FCN1: variants seen among roughly 807,000 people sequenced by gnomAD.
The protein encoded by FCN1 is ficolin-1.
FCN1 carries 42 observed loss-of-function variants against 35.6 expected under a neutral mutation model. The ratio of observed to expected loss-of-function variants is 1.18; its 90% confidence interval spans 0.92 to 1.53. FCN1 has a LOEUF of 1.53. Ranked by LOEUF, FCN1 falls within the 40% of genes most tolerant of loss-of-function variation. The pLI is 0.00. For synonymous variants in FCN1, 179 were observed against 169.8 expected, an observed-to-expected ratio of 1.05 and a Z score of -0.42; for missense variants, 439 against 428.4, an observed-to-expected ratio of 1.02 and a Z score of -0.22.
At position 134,913,620 on chromosome 9, in the gene FCN1, G is replaced by C. The variant is rs775284331; in HGVS notation, c.308-7C>G. The C allele has an allele frequency of 1.2e-6, 2 of 1,601,380 alleles. No homozygotes were observed. Among genetic ancestry groups the C allele is most frequent in the African/African-American group, 2.7e-5 (2 of 74,626 alleles). ...TGAGACTGCCCAGCGTCTCCTGTGT[G>C]GGGAGAGGAGACACTTGTCATAAGC... is the stretch of plus-strand genomic sequence containing the variant. On this transcript the variant is annotated splice_polypyrimidine_tract_variant and splice_region_variant and intron_variant, in intron 4 of 8. Transcript: ENST00000371806.
At chr9:134,910,318 C>A (rs1888710) in intron 8 of FCN1, among the ~76,000 whole-genome samples, 133 of 152,010 alleles carry the variant, frequency 8.7e-4, no homozygotes, top group African/African-American at 2.9e-3. Context: ...GTCAGGCCTC[C>A]TGCTCTCTCC....
At chr9:134,914,457 A>C (rs907988158) in intron 3 of FCN1, 37 bp from the exon 4 acceptor site, 42 of 1,598,014 alleles carry the variant, frequency 2.6e-5, no homozygotes, top group Non-Finnish European at 3.6e-5. Flanking sequence ...TTTTGACCCC[A>C]GATGTGTGGG....
At chr9:134,913,509 C>G in intron 5 of FCN1, 72 bp downstream of exon 5, 1 of 1,239,128 alleles carries the variant, frequency 8.1e-7, no homozygotes, top group African/African-American at 1.5e-5. Context: ...GATTCCGTAG[C>G]GTGAACGTGT....
Position 134,909,912 on chromosome 9 carries a change from A to T in FCN1, c.867T>A (p.Asn289Lys). 1 of 1,614,114 alleles carries T rather than the reference A, an allele frequency of 6.2e-7. No homozygotes were observed. The highest frequency in any genetic ancestry group is 8.5e-7 in the Non-Finnish European group (1 of 1,180,022). ...CATGGGGTCCCATGAGGTAGAGACC[A>T]TTGAGGTTTGAAGCATGACAGTCGG... is the stretch of plus-strand genomic sequence containing the variant. ...WYADCHASNL[N>K]GLYLMGPHES... The change falls in exon 9 of 9, where the codon AAT becomes AAA. Residue 289 changes from asparagine (N) to lysine (K), a missense_variant. Asn to Lys is a moderately conservative substitution (Grantham distance 94). Transcript: ENST00000371806.
chr9:134,912,565 G>C lies in FCN1; in HGVS notation c.519C>G (p.Ala173=), dbSNP rs763319101. Residue 173 remains alanine, a synonymous_variant, in exon 7 of 9, where the codon GCC becomes GCG. Transcript: ENST00000371806. ...DGSVDFYRDW[A]AYKQGFGSQL... ...GACTGCCGAAGCCCTGCTTGTATGC[G>C]GCCCAGTCCCGATAGAAGTCCACAG... is the stretch of plus-strand genomic sequence containing the variant. 1.9e-6 allele frequency: 3 copies of C among 1,614,056 alleles called. No individual in the cohort carries two copies. Among genetic ancestry groups the C allele is most frequent in the African/African-American group, 1.3e-5 (1 of 75,052 alleles).
rs1830911582 is a variant in FCN1 at position 134,903,760 on chromosome 9, A to G, written c.*6038T>C. ...GGTGTTTAAAATGTCTTTAAAAACG[A>G]CTCTGACTGGTGTGTTGAAGAAAAT... On this transcript the variant is annotated 3_prime_UTR_variant, in exon 9 of 9. Coordinates refer to ENST00000371806, the MANE Select transcript of FCN1 (RefSeq NM_002003.5). Among the ~76,000 whole-genome samples the G allele has an allele frequency of 6.6e-6, 1 of 152,190 alleles. No homozygotes were observed. The highest frequency in any genetic ancestry group is 2.4e-5 in the African/African-American group (1 of 41,436).
chr9:134,912,343 C>CT, intron 7 of FCN1, 143 bp downstream of exon 7: 1 of 824,734 alleles, frequency 1.2e-6, no homozygotes, highest in Admixed American at 2.9e-5. Context: ...GGACGCAGCC[C>CT]TTAGAGGTCC....
chr9:134,916,471 A>T lies in FCN1; in HGVS notation c.104-10T>A, dbSNP rs375551016. ...CCCACCACCTTCACCTCTGCAGAGA[A>T]ACACAGGTGCCCACTCAGTGCCTGG... On this transcript the variant is annotated splice_polypyrimidine_tract_variant and intron_variant, in intron 1 of 8. Coordinates refer to ENST00000371806, the MANE Select transcript of FCN1 (RefSeq NM_002003.5). 1.4e-5 allele frequency: 22 copies of T among 1,611,832 alleles called. No individual in the cohort carries two copies. The highest frequency in any genetic ancestry group is 1.8e-5 in the Non-Finnish European group (21 of 1,178,014).
chr9:134,910,402 G>A (rs1188093173), intron 8 of FCN1, among the ~76,000 whole-genome samples: 5 of 152,132 alleles, frequency 3.3e-5, no homozygotes. Flanking sequence ...GCCCTTGGTA[G>A]GTTCAGGACA....
chr9:134,915,832 C>T (rs994343616), intron 2 of FCN1, among the ~76,000 whole-genome samples: 3 of 152,170 alleles, frequency 2.0e-5, no homozygotes, highest in Non-Finnish European at 4.4e-5. Flanking sequence ...GTTCATTCTC[C>T]CATGTTCCCT....
In FCN1 at chr9:134,909,913, T is replaced by C. The variant is rs138055828; in HGVS notation, c.866A>G (p.Asn289Ser). The change falls in exon 9 of 9, where the codon AAT becomes AGT. Residue 289 changes from asparagine (N) to serine (S), a missense_variant. Asn to Ser is a conservative substitution (Grantham distance 46). Coordinates refer to ENST00000371806, the MANE Select transcript of FCN1 (RefSeq NM_002003.5). ...ATGGGGTCCCATGAGGTAGAGACCA[T>C]TGAGGTTTGAAGCATGACAGTCGGC... The part of the protein sequence containing the change: ...WYADCHASNL[N>S]GLYLMGPHES... The C allele has an allele frequency of 1.1e-3, 1,814 of 1,613,868 alleles. 1 individual carries two copies. The highest frequency in any genetic ancestry group is 1.6e-3 in the Middle Eastern group (10 of 6,084).
chr9:134,912,380 C>G, intron 7 of FCN1, 106 bp downstream of exon 7: 2 of 1,211,476 alleles, frequency 1.7e-6, no homozygotes, highest in Non-Finnish European at 2.3e-6. Flanking sequence ...TGCTCAGGGC[C>G]CAATCCCCTG....
In FCN1 at chr9:134,907,070, T is replaced by A. The variant is rs2118928982; in HGVS notation, c.*2728A>T. On this transcript the variant is annotated 3_prime_UTR_variant, in exon 9 of 9. Transcript: ENST00000371806. ...CTGGGTGGCAGAGTAAAACTCTGTCTCAAAAAACAAACTAAAAGGCATATT... is the reference window on the plus strand; with the variant it reads ...CTGGGTGGCAGAGTAAAACTCTGTCACAAAAAACAAACTAAAAGGCATATT... 1 of 152,294 alleles carries A rather than the reference T, an allele frequency of 6.6e-6. No individual in the cohort carries two copies. The highest frequency in any genetic ancestry group is 1.9e-4 in the East Asian group (1 of 5,190). The allele number at this position is 152,294 out of a possible 1,614,324, so 9.4% of individuals were successfully genotyped here.
At position 134,905,337 on chromosome 9, in the gene FCN1, G is replaced by T. The variant is rs1830929555; in HGVS notation, c.*4461C>A. 6.6e-6 allele frequency among the ~76,000 whole-genome samples: 1 copy of T among 152,188 alleles called. No individual in the cohort carries two copies. On this transcript the variant is annotated 3_prime_UTR_variant, in exon 9 of 9. Transcript: ENST00000371806. ...TGAGAGGTCCCATGGCCAGGAAGAA[G>T]AGCACTGGCCCAAGAGGAGGAGGGC...
chr9:134,910,838 C>G (rs1239464694), intron 8 of FCN1, among the ~76,000 whole-genome samples: 2 of 152,216 alleles, frequency 1.3e-5, no homozygotes, highest in Non-Finnish European at 2.9e-5. Flanking sequence ...TGGGAAACAG[C>G]TCCAAGGCAC....
intron 5 of FCN1, 43 bp downstream of exon 5, chr9:134,913,538 G>T (rs759403505): frequency 1.9e-6 from 3 of 1,540,870 alleles, no homozygotes; most frequent in Admixed American, 1.8e-5. Context: ...CCCCAGGGGT[G>T]GGGGCAAGGC....
At chr9:134,913,530 C>T in intron 5 of FCN1, 51 bp downstream of exon 5, 1 of 1,524,310 alleles carries the variant, frequency 6.6e-7, no homozygotes, top group Non-Finnish European at 9.0e-7. Context: ...GCAGCTGGCC[C>T]CAGGGGTGGG....
intron 1 of FCN1, among the ~76,000 whole-genome samples, chr9:134,916,754 A>C (rs1831097614): frequency 6.6e-6 from 1 of 152,248 alleles, no homozygotes; most frequent in Non-Finnish European, 1.5e-5. Context: ...AAGAATGTGC[A>C]TTTTAAATCT....
At chr9:134,910,754 C>T (rs1232655659) in intron 8 of FCN1, among the ~76,000 whole-genome samples, 1 of 152,198 alleles carries the variant, frequency 6.6e-6, no homozygotes, top group Non-Finnish European at 1.5e-5. Flanking sequence ...GGAAATGCCT[C>T]CCCAGATCGT....
Sources: gnomAD v4.1 joint callset for allele counts (sites outside exome capture counted in the v4.1 genomes callset) on GRCh38, gnomAD v4.1.1 for gene constraint, MANE v1.5 for transcripts, NCBI Gene and HGNC (gene_info 2026-07-23, HGNC 2026-07-21) for gene names.